The following WASHC2C variants were observed in gnomAD, a reference collection of about 807,000 sequenced individuals.
WASHC2C encodes the protein WASH complex subunit 2C.
Under a neutral mutation model 142.2 loss-of-function variants are expected in WASHC2C, and 73 were observed. The ratio of observed to expected loss-of-function variants is 0.51; its 90% CI spans 0.43 to 0.62. The LOEUF (loss-of-function observed/expected upper bound fraction) is 0.62, where lower values mean the gene tolerates loss of function less well. WASHC2C is among the 20% of genes least tolerant of loss of function. The probability of loss-of-function intolerance (pLI) is 0.00; values close to 1 mark genes in which losing one functional copy is unlikely to be tolerated. For synonymous variants in WASHC2C, 337 were observed against 565.5 expected, an observed-to-expected ratio of 0.60 and a Z score of 5.73; for missense variants, 969 against 1,531.7, an observed-to-expected ratio of 0.63 and a Z score of 6.13.
chr10:45,785,318 A>G (rs1167376325), intron 25 of WASHC2C, among the ~76,000 whole-genome samples, 191 bp from the exon 26 acceptor site: 2 of 151,888 alleles, frequency 1.3e-5, no homozygotes, highest in Admixed American at 1.3e-4. Flanking sequence ...TCTTTTTATC[A>G]TAGAGAGGAC....
At chr10:45,790,639 C>T (rs1349288866) in intron 30 of WASHC2C, 106 bp downstream of exon 30, 46 of 1,434,512 alleles carry the variant, frequency 3.2e-5, no homozygotes, top group African/African-American at 1.7e-4. Flanking sequence ...TGCACCCCAG[C>T]GGGTTCACTT....
At chr10:45,780,082 C>G (rs2057381509) in intron 23 of WASHC2C, among the ~76,000 whole-genome samples, 1 of 151,740 alleles carries the variant, frequency 6.6e-6, no homozygotes, top group Non-Finnish European at 1.5e-5. Flanking sequence ...GCTAGATATC[C>G]TTTATGAATG....
chr10:45,733,491 A>G (rs574504101), intron 3 of WASHC2C, among the ~76,000 whole-genome samples: 4 of 152,266 alleles, frequency 2.6e-5, no homozygotes, highest in Admixed American at 2.6e-4. Flanking sequence ...AGTCCTGGGT[A>G]TAGCTATCTG....
At chr10:45,741,232 G>T (rs1554867767) in intron 5 of WASHC2C, among the ~76,000 whole-genome samples, 4 of 152,154 alleles carry the variant, frequency 2.6e-5, no homozygotes, top group Admixed American at 2.0e-4. Flanking sequence ...ACAGACATGA[G>T]CCACCCCACC....
At chr10:45,761,757 G>C (rs1554880084) in intron 17 of WASHC2C, among the ~76,000 whole-genome samples, 1 of 152,216 alleles carries the variant, frequency 6.6e-6, no homozygotes, top group Non-Finnish European at 1.5e-5. Flanking sequence ...GTCCGAAACT[G>C]TGATGTTGAC....
intron 5 of WASHC2C, among the ~76,000 whole-genome samples, chr10:45,742,692 A>T (rs1252218421): frequency 1.3e-5 from 2 of 152,072 alleles, no homozygotes; most frequent in Non-Finnish European, 2.9e-5. Flanking sequence ...GCTCACCAGA[A>T]TGTTCAGTTT....
rs1184492031 is a variant in WASHC2C at position 45,788,854 on chromosome 10, T to C, written c.3088-17T>C. On this transcript the variant is annotated splice_polypyrimidine_tract_variant and intron_variant, in intron 28 of 30. Transcript: ENST00000623400. ...TATTTTATCGTCAGATCAATGTATG[T>C]TTTTTTGCCGTTGCAGAGCCGTGTC... The C allele has an allele frequency of 5.8e-5, 94 of 1,611,904 alleles. 1 individual carries two copies. In the South Asian group the frequency reaches 9.9e-4, roughly 17 times the overall value.
intron 29 of WASHC2C, among the ~76,000 whole-genome samples, 190 bp downstream of exon 29, chr10:45,789,681 T>C (rs2058279422): frequency 6.6e-6 from 1 of 152,264 alleles, no homozygotes; most frequent in Non-Finnish European, 1.5e-5. Context: ...TTTTGTTGCA[T>C]GTAGAATGTA....
intron 3 of WASHC2C, 142 bp downstream of exon 3, chr10:45,729,168 G>T: frequency 9.4e-7 from 1 of 1,058,822 alleles, no homozygotes; most frequent in Non-Finnish European, 1.3e-6. Context: ...TGGGATTAAC[G>T]CCTCTTTTTT....
Position 45,732,427 on chromosome 10 carries a change from T to TA in WASHC2C, c.291+3401_291+3402insA, listed in dbSNP as rs2050718228. 4.6e-5 allele frequency among the ~76,000 whole-genome samples: 7 copies of TA among 152,298 alleles called. No individual in the cohort carries two copies. In the South Asian group the frequency reaches 1.5e-3, roughly 32 times the overall value. On this transcript the variant is annotated intron_variant, in intron 3 of 30. Transcript: ENST00000623400. ...CATTGGCCAGTGTTCTAGTGTCTAA[T>TA]TAGAAGGCAACACAATTCTAAAGGC...
At chr10:45,783,786 T>A (rs547936690) in intron 23 of WASHC2C, among the ~76,000 whole-genome samples, 2 of 152,328 alleles carry the variant, frequency 1.3e-5, no homozygotes, top group African/African-American at 4.8e-5. Flanking sequence ...AATCTGTGGC[T>A]GTGATAAGGA....
intron 3 of WASHC2C, among the ~76,000 whole-genome samples, chr10:45,731,598 T>C (rs1465621225): frequency 4.0e-5 from 6 of 150,518 alleles, no homozygotes; most frequent in Non-Finnish European, 8.9e-5. Flanking sequence ...CGCCTTCCAG[T>C]CTGCAGCCAG....
intron 13 of WASHC2C, 61 bp from the exon 14 acceptor site, chr10:45,754,425 G>A (rs1181885702): frequency 6.2e-7 from 1 of 1,603,342 alleles, no homozygotes; most frequent in Non-Finnish European, 8.5e-7. Context: ...ATTTCAGGAA[G>A]AAAATAGCAA....
intron 23 of WASHC2C, among the ~76,000 whole-genome samples, chr10:45,779,551 T>C (rs1436387972): frequency 6.6e-6 from 1 of 152,230 alleles, no homozygotes. Context: ...TAAAGGACCA[T>C]ATAATGACTA....
chr10:45,728,871 T>C lies in WASHC2C; in HGVS notation c.136T>C (p.Phe46Leu), dbSNP rs997951789. 1.9e-6 allele frequency: 3 copies of C among 1,613,346 alleles called. No individual in the cohort carries two copies. The highest frequency in any genetic ancestry group is 2.7e-5 in the African/African-American group (2 of 74,940). Residue 46 changes from phenylalanine (F) to leucine (L), a missense_variant, in exon 3 of 31, where the codon TTT (phenylalanine) becomes CTT (leucine). Coordinates refer to ENST00000623400, the MANE Select transcript of WASHC2C (RefSeq NM_001330074.2). ...TTATTTTTTAAAATAGCTACTACAG[T>C]TTCTACAGGAATTCTCACAGCAAAC... ...SLAADAGLLQ[F>L]LQEFSQQTIS...
In WASHC2C at chr10:45,727,450, C is replaced by G; in HGVS notation, c.37C>G (p.Pro13Ala). 1.2e-6 allele frequency: 2 copies of G among 1,611,068 alleles called. No individual in the cohort carries two copies. Among genetic ancestry groups the G allele is most frequent in the Non-Finnish European group, 1.7e-6 (2 of 1,179,386 alleles). The change falls in exon 2 of 31, where the codon CCG becomes GCG. Residue 13 changes from proline (P) to alanine (A), a missense_variant. Pro to Ala is a conservative substitution (Grantham distance 27). Transcript: ENST00000623400. ...NRTTPDQELVPASEPVWERPW... is the reference protein window; with the variant it reads ...NRTTPDQELVAASEPVWERPW... The stretch of plus-strand genomic sequence containing the variant: ...GACGACCCCCGACCAGGAGCTGGTG[C>G]CGGCGTCGGAGCCCGTGTGGGAGCG...
At chr10:45,773,463 C>G in intron 21 of WASHC2C, 105 bp downstream of exon 21, 1 of 635,784 alleles carries the variant, frequency 1.6e-6, no homozygotes, top group Non-Finnish European at 2.8e-6. Flanking sequence ...GAGGCTGAGT[C>G]TTATGGAAGA....
In WASHC2C at chr10:45,751,587, A is replaced by G. The variant is rs1277803184; in HGVS notation, c.1003+34A>G. On this transcript the variant is annotated intron_variant, in intron 11 of 30. Coordinates refer to ENST00000623400, the MANE Select transcript of WASHC2C (RefSeq NM_001330074.2). ...TTTCCCTCAATTCTGTTATTTTAGG[A>G]GCCTGTTGACTAAGGAATGTTGCTT... The G allele has an allele frequency of 4.1e-6, 4 of 985,268 alleles. No homozygotes were observed. The Admixed American group carries it at 1.1e-4, about 27-fold the overall frequency. The allele number at this position is 985,268 out of a possible 1,614,324, so 61.0% of individuals were successfully genotyped here. A position where few individuals can be genotyped will look rare whatever the true frequency, so the allele number is the denominator to read the frequency against.
intron 21 of WASHC2C, among the ~76,000 whole-genome samples, chr10:45,774,877 A>C (rs2669694): frequency 8.0e-6 from 1 of 124,504 alleles, no homozygotes; most frequent in Non-Finnish European, 1.8e-5. Context: ...TTGGTGCTCA[A>C]TGACATTGAA....
Sources: gnomAD v4.1 joint callset for allele counts (sites outside exome capture counted in the v4.1 genomes callset) on GRCh38, gnomAD v4.1.1 for gene constraint, MANE v1.5 for transcripts, NCBI Gene and HGNC (gene_info 2026-07-23, HGNC 2026-07-21) for gene names.